Variants in SLC36A1 observed in about 807,000 individuals in gnomAD.
The protein encoded by SLC36A1 is solute carrier family 36 member 1, also known as proton-coupled amino acid transporter 1.
A neutral mutation model predicts 47.5 loss-of-function variants in SLC36A1; 30 were observed. The observed-to-expected ratio is 0.63, with a 90% CI of 0.47 to 0.86. SLC36A1 has a LOEUF of 0.86. SLC36A1 is among the 40% of genes least tolerant of loss of function. The pLI, the probability that SLC36A1 is intolerant of heterozygous loss-of-function variation, is 0.00. For missense variants in SLC36A1, 517 were observed against 606.0 expected, an observed-to-expected ratio of 0.85 and a Z score of 1.54; for synonymous variants, 255 against 249.7, an observed-to-expected ratio of 1.02 and a Z score of -0.20.
chr5:151,394,310 T>C, the SLC36A1 span, among the ~76,000 whole-genome samples: 1 of 152,232 alleles, frequency 6.6e-6, no homozygotes, highest in Non-Finnish European at 1.5e-5. Context: ...TTGTCTAATC[T>C]TTTTCCAAGG....
the SLC36A1 span, among the ~76,000 whole-genome samples, chr5:151,506,420 A>C: frequency 0.15 from 22,554 of 152,244 alleles, 2,024 homozygotes; most frequent in Non-Finnish European, 0.21. Flanking sequence ...CCCAAGTCCT[A>C]CTGGTGAGTT....
At chr5:151,444,572 G>A (rs1458416113), upstream of SLC36A1, among the ~76,000 whole-genome samples, 2 of 152,088 alleles carry the variant, frequency 1.3e-5, no homozygotes, top group African/African-American at 2.4e-5. Context: ...TGCAACCTCC[G>A]CCTCCCAGGT....
rs1276231203 is a variant in SLC36A1 at position 151,468,277 on chromosome 5, ATATATATATATATATATTT to A, written c.723+366_723+384del. On this transcript the variant is annotated intron_variant, in intron 7 of 10. Transcript: ENST00000243389. ...AAAAAAAAAAAAAAAATATATATAT[ATATATATATATATATATTT>A]TATATATATATATTTACATATATGT... Among the ~76,000 whole-genome samples, 7 of 101,050 alleles carry A rather than the reference ATATATATATATATATATTT, an allele frequency of 6.9e-5. 1 individual carries two copies. Among genetic ancestry groups the A allele is most frequent in the Admixed American group, 4.9e-4 (5 of 10,190 alleles). 66.3% of individuals were successfully genotyped at this position (101,050 alleles called of 152,430 possible).
the SLC36A1 span, among the ~76,000 whole-genome samples, chr5:151,346,162 G>A: frequency 3.3e-5 from 5 of 152,162 alleles, no homozygotes; most frequent in Non-Finnish European, 7.3e-5. Context: ...CAGGACACAA[G>A]AGACAGGTGG....
At position 151,452,166 on chromosome 5, in the gene SLC36A1, G is replaced by C. The variant is rs115361854; in HGVS notation, c.-6+4353G>C. Among the ~76,000 whole-genome samples the C allele has an allele frequency of 6.6e-3, 1,007 of 152,318 alleles. 10 individuals are homozygous for C. Among genetic ancestry groups the C allele is most frequent in the African/African-American group, 0.023 (970 of 41,566 alleles). ...CAGCAGCTGCCCTGTAGCTGTTCTA[G>C]CATCAGACTCCTACAGGAAAAAGTC... On this transcript the variant is annotated intron_variant, in intron 1 of 10. Coordinates refer to ENST00000243389, the MANE Select transcript of SLC36A1 (RefSeq NM_078483.4).
upstream of SLC36A1, among the ~76,000 whole-genome samples, chr5:151,446,700 T>C (rs1365493911): frequency 6.6e-6 from 1 of 152,246 alleles, no homozygotes; most frequent in Non-Finnish European, 1.5e-5. Context: ...TGGTCTATTC[T>C]AGAGAATGTT....
At chr5:151,347,440 A>G in the SLC36A1 span, 1 of 1,614,132 alleles carries the variant, frequency 6.2e-7, no homozygotes, top group South Asian at 1.1e-5. Flanking sequence ...GGGGACCCTC[A>G]GTACTTTTTG....
the SLC36A1 span, among the ~76,000 whole-genome samples, chr5:151,374,389 G>T: frequency 1.3e-5 from 2 of 152,034 alleles, no homozygotes; most frequent in African/African-American, 4.8e-5. Context: ...GCGCTCTTGG[G>T]GTTCGAACCG....
chr5:151,468,293 ATT>A (rs770748144), intron 7 of SLC36A1, among the ~76,000 whole-genome samples: 44 of 83,190 alleles, frequency 5.3e-4, no homozygotes, highest in African/African-American at 1.4e-3. Flanking sequence ...ATATATATAT[ATT>A]TTATATATAT....
the SLC36A1 span, chr5:151,543,427 G>GCTA: frequency 6.2e-7 from 1 of 1,614,084 alleles, no homozygotes; most frequent in Non-Finnish European, 8.5e-7. Flanking sequence ...CGTGCAGAAG[G>GCTA]CTACTCTTCC....
chr5:151,532,793 C>T, the SLC36A1 span, among the ~76,000 whole-genome samples: 1 of 152,224 alleles, frequency 6.6e-6, no homozygotes. Context: ...GTGAGGTCCT[C>T]CCCCAGTGAG....
intron 1 of SLC36A1, among the ~76,000 whole-genome samples, chr5:151,438,421 G>A (rs755046662): frequency 6.6e-6 from 1 of 151,972 alleles, no homozygotes; most frequent in Non-Finnish European, 1.5e-5. Context: ...CACCTCAGGT[G>A]CTCTAGCTAC....
chr5:151,367,374 T>C, the SLC36A1 span, among the ~76,000 whole-genome samples: 53 of 145,510 alleles, frequency 3.6e-4, no homozygotes, highest in Admixed American at 4.7e-4. Flanking sequence ...TTTTTTTTTT[T>C]CCCCAGGGTA....
At chr5:151,345,302 C>T in the SLC36A1 span, among the ~76,000 whole-genome samples, 5 of 152,244 alleles carry the variant, frequency 3.3e-5, no homozygotes, top group Admixed American at 1.3e-4. Flanking sequence ...GAAAGGAGCC[C>T]GGTCTCTGGG....
chr5:151,381,694 C>T, the SLC36A1 span, among the ~76,000 whole-genome samples: 1 of 152,294 alleles, frequency 6.6e-6, no homozygotes, highest in East Asian at 1.9e-4. Flanking sequence ...CTTGTCTGAT[C>T]TTGTGGCCCC....
chr5:151,374,416 A>G, the SLC36A1 span, among the ~76,000 whole-genome samples: 2 of 152,064 alleles, frequency 1.3e-5, no homozygotes, highest in African/African-American at 4.8e-5. Flanking sequence ...GAACCTTTCA[A>G]TGTGTATGTG....
chr5:151,437,823 C>G (rs1759861293), intron 1 of SLC36A1, among the ~76,000 whole-genome samples: 4 of 152,102 alleles, frequency 2.6e-5, no homozygotes, highest in African/African-American at 9.7e-5. Context: ...TTCTAGAAGT[C>G]AGAGGTCCTA....
chr5:151,530,589 G>A, the SLC36A1 span, among the ~76,000 whole-genome samples: 3 of 152,246 alleles, frequency 2.0e-5, no homozygotes, highest in Non-Finnish European at 4.4e-5. Flanking sequence ...GTATGTAGAT[G>A]TTTTGGGGAT....
the SLC36A1 span, chr5:151,522,203 T>A: frequency 1.3e-6 from 1 of 761,496 alleles, no homozygotes; most frequent in Non-Finnish European, 2.1e-6. Flanking sequence ...ACTTGAGGGC[T>A]GGCTCAGCGC....
Sources: gnomAD v4.1 joint callset for allele counts (sites outside exome capture counted in the v4.1 genomes callset) on GRCh38, gnomAD v4.1.1 for gene constraint, MANE v1.5 for transcripts, NCBI Gene and HGNC (gene_info 2026-07-23, HGNC 2026-07-21) for gene names.